Variants in NCKAP1 observed in about 807,000 individuals in gnomAD.
NCKAP1 encodes the protein NCK associated protein 1.
In NCKAP1, 21 loss-of-function variants were observed where a neutral mutation model predicts 151.2. That is an observed-to-expected ratio of 0.14 (90% CI 0.10 to 0.20). NCKAP1 has a LOEUF of 0.20. Among genes scored for constraint, NCKAP1 ranks in the 10% least tolerant of loss-of-function variants. The pLI is 1.00. For missense variants in NCKAP1, 933 were observed against 1,352.1 expected (o/e 0.69, Z 4.86); for synonymous variants, 484 against 451.8 (o/e 1.07, Z -0.90).
At chr2:182,982,347 T>C (rs957603898) in intron 12 of NCKAP1, among the ~76,000 whole-genome samples, 3 of 152,200 alleles carry the variant, frequency 2.0e-5, no homozygotes, top group African/African-American at 7.2e-5. Flanking sequence ...TTGCTTCAAA[T>C]ATAAGTCTCC....
At chr2:183,028,332 A>G (rs1698938361) in intron 1 of NCKAP1, among the ~76,000 whole-genome samples, 2 of 152,146 alleles carry the variant, frequency 1.3e-5, no homozygotes, top group Admixed American at 6.5e-5. Flanking sequence ...ATTTTCATAA[A>G]ACATAAAATA....
intron 14 of NCKAP1, among the ~76,000 whole-genome samples, chr2:182,978,511 G>C (rs1239351101): frequency 6.6e-6 from 1 of 152,164 alleles, no homozygotes; most frequent in Non-Finnish European, 1.5e-5. Context: ...GCCTGGCACA[G>C]ACTAAACATT....
intron 1 of NCKAP1, among the ~76,000 whole-genome samples, chr2:183,035,694 A>G (rs1410607408): frequency 6.6e-6 from 1 of 152,208 alleles, no homozygotes; most frequent in Non-Finnish European, 1.5e-5. Flanking sequence ...CTGGGAAGAT[A>G]TGCCAGACTC....
chr2:182,920,470 A>C lies in NCKAP1; in HGVS notation c.*5232T>G, dbSNP rs140452757. 1 of 152,318 alleles carries C rather than the reference A, an allele frequency of 6.6e-6. No individual in the cohort carries two copies. Among genetic ancestry groups the C allele is most frequent in the Non-Finnish European group, 1.5e-5 (1 of 68,028 alleles). 9.4% of individuals were successfully genotyped at this position (152,318 alleles called of 1,614,324 possible). ...GAGTCCGTGTGGGCTGCTATAACGA[A>C]ATGCCTTAGTCTGGTTTATAAAGTT... On this transcript the variant is annotated 3_prime_UTR_variant, in exon 31 of 31. Transcript: ENST00000361354.
In NCKAP1 at chr2:183,001,994, G is replaced by C. The variant is rs1575058482; in HGVS notation, c.562C>G (p.Pro188Ala). The C allele has an allele frequency of 1.2e-6, 2 of 1,613,548 alleles. No individual in the cohort carries two copies. Among genetic ancestry groups the C allele is most frequent in the Non-Finnish European group, 1.7e-6 (2 of 1,179,822 alleles). ...LGQMIVDYEN[P>A]LKKMMEEFVP... Reference sequence around the variant, plus strand: ...AATTCTTCCATCATCTTCTTTAAAGGGTTTTCATAATCCACAATCATCTGG... The same window carrying C: ...AATTCTTCCATCATCTTCTTTAAAGCGTTTTCATAATCCACAATCATCTGG... Residue 188 changes from proline (P) to alanine (A), a missense_variant, in exon 6 of 31, where the codon CCT (proline) becomes GCT (alanine). Transcript: ENST00000361354.
At chr2:182,946,476 T>C (rs529815463) in intron 23 of NCKAP1, among the ~76,000 whole-genome samples, 1 of 152,060 alleles carries the variant, frequency 6.6e-6, no homozygotes, top group African/African-American at 2.4e-5. Flanking sequence ...GTCAAAACAC[T>C]ACCTATTGGG....
At chr2:182,937,285 T>G (rs1022662961) in intron 24 of NCKAP1, among the ~76,000 whole-genome samples, 1 of 152,092 alleles carries the variant, frequency 6.6e-6, no homozygotes, top group African/African-American at 2.4e-5. Context: ...AATGACACAT[T>G]AAAAGTTCTA....
intron 2 of NCKAP1, among the ~76,000 whole-genome samples, chr2:183,013,439 T>C (rs1698627146): frequency 6.6e-6 from 1 of 152,112 alleles, no homozygotes; most frequent in Non-Finnish European, 1.5e-5. Flanking sequence ...AAGTCTTATT[T>C]CTCACTGTCC....
At chr2:183,026,048 T>C (rs1169226347) in intron 1 of NCKAP1, among the ~76,000 whole-genome samples, 1 of 152,204 alleles carries the variant, frequency 6.6e-6, no homozygotes, top group Non-Finnish European at 1.5e-5. Flanking sequence ...ACTTCGTTGG[T>C]TGATAACCAA....
intron 18 of NCKAP1, among the ~76,000 whole-genome samples, chr2:182,961,526 C>A (rs1697451734): frequency 6.6e-6 from 1 of 151,948 alleles, no homozygotes; most frequent in Admixed American, 6.6e-5. Flanking sequence ...GGGAATTGAA[C>A]AATGAGAACA....
chr2:182,995,414 T>C (rs1283288705), intron 7 of NCKAP1, among the ~76,000 whole-genome samples: 2 of 152,202 alleles, frequency 1.3e-5, no homozygotes, highest in African/African-American at 4.8e-5. Flanking sequence ...GTGATTTTTG[T>C]TTTTGCTTTA....
At chr2:183,011,284 G>C (rs983859526) in intron 2 of NCKAP1, among the ~76,000 whole-genome samples, 9 of 152,006 alleles carry the variant, frequency 5.9e-5, no homozygotes, top group Non-Finnish European at 8.8e-5. Context: ...AAAATCATTT[G>C]GTTTTTTACA....
chr2:183,027,467 AAAG>A (rs769418793), intron 1 of NCKAP1, among the ~76,000 whole-genome samples: 25 of 152,312 alleles, frequency 1.6e-4, no homozygotes, highest in Non-Finnish European at 3.2e-4. Context: ...CTTAGGCAAA[AAAG>A]AAGAAGTCTA....
intron 27 of NCKAP1, among the ~76,000 whole-genome samples, chr2:182,929,993 A>T (rs536677257): frequency 6.6e-6 from 1 of 152,000 alleles, no homozygotes; most frequent in East Asian, 1.9e-4. Flanking sequence ...AAAACAGAAT[A>T]CCCTTTCCTA....
intron 1 of NCKAP1, among the ~76,000 whole-genome samples, chr2:183,032,911 A>T (rs2105901366): frequency 6.6e-6 from 1 of 152,256 alleles, no homozygotes; most frequent in African/African-American, 2.4e-5. Context: ...TTAGCCTGGC[A>T]TGGTGGCATG....
intron 20 of NCKAP1, among the ~76,000 whole-genome samples, chr2:182,954,082 G>A (rs1697274890): frequency 6.6e-6 from 1 of 152,080 alleles, no homozygotes; most frequent in African/African-American, 2.4e-5. Flanking sequence ...ATATCTCCCA[G>A]AGGAAAAAAA....
Position 182,990,629 on chromosome 2 carries a change from C to G in NCKAP1, c.791-1443G>C, listed in dbSNP as rs544015689. On this transcript the variant is annotated intron_variant, in intron 8 of 30. Transcript: ENST00000361354. ...CATTCACTGAACATCTACTCAGTGTCTACTATATATACAAGGTTCTGTAGT... is the reference window on the plus strand; with the variant it reads ...CATTCACTGAACATCTACTCAGTGTGTACTATATATACAAGGTTCTGTAGT... Among the ~76,000 whole-genome samples, 16 of 152,250 alleles carry G rather than the reference C, an allele frequency of 1.1e-4. No individual in the cohort carries two copies. In the South Asian group the frequency reaches 2.9e-3, roughly 28 times the overall value.
At chr2:183,026,343 G>A (rs1698896846) in intron 1 of NCKAP1, among the ~76,000 whole-genome samples, 1 of 152,164 alleles carries the variant, frequency 6.6e-6, no homozygotes, top group East Asian at 1.9e-4. Context: ...GGGTGTGGTG[G>A]TGCACAACTG....
At chr2:183,009,281 AAG>A (rs1490207016) in intron 2 of NCKAP1, among the ~76,000 whole-genome samples, 1 of 151,068 alleles carries the variant, frequency 6.6e-6, no homozygotes, top group Non-Finnish European at 1.5e-5. Flanking sequence ...AGGCTGAGGT[AAG>A]AGAATCACTT....
Sources: gnomAD v4.1 joint callset for allele counts (sites outside exome capture counted in the v4.1 genomes callset) on GRCh38, gnomAD v4.1.1 for gene constraint, MANE v1.5 for transcripts, NCBI Gene and HGNC (gene_info 2026-07-23, HGNC 2026-07-21) for gene names.